ANKRD44: variants seen among roughly 807,000 people sequenced by gnomAD.
ANKRD44 encodes the protein serine/threonine-protein phosphatase 6 regulatory ankyrin repeat subunit B.
Under a neutral mutation model 116.0 loss-of-function variants are expected in ANKRD44, and 35 were observed. The ratio of observed to expected loss-of-function variants is 0.30; its 90% CI spans 0.23 to 0.40. The LOEUF (loss-of-function observed/expected upper bound fraction) is 0.40, where lower values mean the gene tolerates loss of function less well. Ranked by LOEUF, ANKRD44 falls within the 10% of genes least tolerant of loss-of-function variation. The pLI, the probability that ANKRD44 is intolerant of heterozygous loss-of-function variation, is 1.00. For synonymous variants in ANKRD44, 435 were observed against 461.8 expected (o/e 0.94, Z 0.74); for missense variants, 1,014 against 1,242.6 (o/e 0.82, Z 2.77).
At chr2:197,125,269 C>G (rs2125338382) in intron 6 of ANKRD44, 112 bp downstream of exon 6, 1 of 1,007,944 alleles carries the variant, frequency 9.9e-7, no homozygotes, top group South Asian at 1.4e-5. Context: ...TCAATTGCAA[C>G]CCAAGCTTGA....
rs1553550558 is a variant in ANKRD44, at chr2:197,288,031, A to AAAG, written c.27+22546_27+22547insCTT. 2.8e-4 allele frequency among the ~76,000 whole-genome samples: 42 copies of AAAG among 151,482 alleles called. 1 individual carries two copies. The highest frequency in any genetic ancestry group is 6.5e-4 in the African/African-American group (27 of 41,428). The stretch of plus-strand genomic sequence containing the variant: ...TGAGACTCAGTCTCAAAAAAAAAAA[A>AAAG]AAAAAGAAAAAGAAAGAAAAGAAAA... On this transcript the variant is annotated intron_variant, in intron 1 of 27. Coordinates refer to ENST00000282272, the MANE Select transcript of ANKRD44 (RefSeq NM_001195144.2).
At chr2:197,182,028 A>T (rs1289330953) in intron 2 of ANKRD44, among the ~76,000 whole-genome samples, 1 of 152,212 alleles carries the variant, frequency 6.6e-6, no homozygotes, top group Non-Finnish European at 1.5e-5. Flanking sequence ...CCAGTAGGAC[A>T]CAGTAAAAGT....
At chr2:197,271,661 G>A (rs1400429077) in intron 1 of ANKRD44, among the ~76,000 whole-genome samples, 1 of 152,078 alleles carries the variant, frequency 6.6e-6, no homozygotes, top group Non-Finnish European at 1.5e-5. Flanking sequence ...TTTGAGACAG[G>A]GTCTCGCTCT....
At chr2:197,303,711 T>G (rs1344304088) in intron 1 of ANKRD44, among the ~76,000 whole-genome samples, 1 of 152,160 alleles carries the variant, frequency 6.6e-6, no homozygotes, top group Non-Finnish European at 1.5e-5. Flanking sequence ...TGCAAACAAT[T>G]ATCGACTTAG....
At chr2:197,154,255 C>T (rs1407357672) in intron 2 of ANKRD44, among the ~76,000 whole-genome samples, 1 of 147,458 alleles carries the variant, frequency 6.8e-6, no homozygotes, top group Non-Finnish European at 1.5e-5. Context: ...TCTCGGCTCA[C>T]TGCAAGCTCC....
chr2:197,103,193 G>A lies in ANKRD44; in HGVS notation c.986-3263C>T, dbSNP rs188544481. ...CAGTGAGCCAAGATTACGCCACTGC[G>A]CTCCAGCCTGGGCGACAGAGTGAGA... On this transcript the variant is annotated intron_variant, in intron 9 of 27. Coordinates refer to ENST00000282272, the MANE Select transcript of ANKRD44 (RefSeq NM_001195144.2). Among the ~76,000 whole-genome samples the A allele has an allele frequency of 1.0e-3, 147 of 145,000 alleles. No individual in the cohort carries two copies. In the East Asian group the frequency reaches 0.011, roughly 11 times the overall value.
At chr2:197,246,896 A>G (rs1311253476) in intron 1 of ANKRD44, among the ~76,000 whole-genome samples, 1 of 152,146 alleles carries the variant, frequency 6.6e-6, no homozygotes, top group African/African-American at 2.4e-5. Flanking sequence ...CAGAATTGGA[A>G]CCCAGGTGAC....
At chr2:197,108,766 A>G (rs545550516) in intron 9 of ANKRD44, among the ~76,000 whole-genome samples, 15 of 152,276 alleles carry the variant, frequency 9.9e-5, no homozygotes, top group African/African-American at 3.1e-4. Context: ...TGAACCCGAG[A>G]GGCAGATGTT....
At chr2:197,246,500 C>A (rs2082196220) in intron 1 of ANKRD44, among the ~76,000 whole-genome samples, 1 of 151,474 alleles carries the variant, frequency 6.6e-6, no homozygotes, top group Non-Finnish European at 1.5e-5. Flanking sequence ...AGCCCCATAA[C>A]CCCTGGATTC....
At chr2:196,982,389 G>C (rs927721021), downstream of ANKRD44, among the ~76,000 whole-genome samples, 3 of 152,244 alleles carry the variant, frequency 2.0e-5, no homozygotes, top group Non-Finnish European at 2.9e-5. Flanking sequence ...TCGCCTTGAA[G>C]TCATAGCAGG....
intron 2 of ANKRD44, among the ~76,000 whole-genome samples, chr2:197,151,362 G>T (rs1164774368): frequency 6.6e-6 from 1 of 152,214 alleles, no homozygotes; most frequent in African/African-American, 2.4e-5. Flanking sequence ...ACAGAAGAAT[G>T]AGATGGAGAA....
intron 1 of ANKRD44, chr2:197,263,453 A>G: frequency 1.9e-6 from 1 of 532,078 alleles, no homozygotes; most frequent in South Asian, 2.0e-5. Context: ...CTCTTCTCCT[A>G]CACCATTCTA....
intron 1 of ANKRD44, among the ~76,000 whole-genome samples, chr2:197,279,527 C>A (rs2105821397): frequency 6.6e-6 from 1 of 152,272 alleles, no homozygotes; most frequent in East Asian, 1.9e-4. Context: ...TCTCTCCCAT[C>A]CAATCTCCCA....
intron 6 of ANKRD44, among the ~76,000 whole-genome samples, chr2:197,123,448 T>C (rs921522692): frequency 6.6e-6 from 1 of 152,164 alleles, no homozygotes; most frequent in Non-Finnish European, 1.5e-5. Context: ...CTGTACAACA[T>C]GGTGAAACCC....
Position 197,240,066 on chromosome 2 carries a change from T to A in ANKRD44, c.28-52960A>T, listed in dbSNP as rs562615144. On this transcript the variant is annotated intron_variant, in intron 1 of 27. Transcript: ENST00000282272. ...TAATGTTTATAGAAGAAAATCTAGATATAAATATATATATATTCAAGAGGT... is the reference window on the plus strand; with the variant it reads ...TAATGTTTATAGAAGAAAATCTAGAAATAAATATATATATATTCAAGAGGT... Among the ~76,000 whole-genome samples the A allele has an allele frequency of 2.6e-5, 4 of 152,202 alleles. No individual in the cohort carries two copies. In the South Asian group the frequency reaches 8.3e-4, roughly 32 times the overall value.
At position 196,986,863 on chromosome 2, in the gene ANKRD44, C is replaced by G. The variant is rs370640410; in HGVS notation, c.*2728G>C. ...ATTTTCCCCATTTTTACAGTCATGA[C>G]ATTTACCAGAGTCATTCAACTCCAA... On this transcript the variant is annotated 3_prime_UTR_variant, in exon 28 of 28. Transcript: ENST00000282272. 2 of 985,286 alleles carry G rather than the reference C, an allele frequency of 2.0e-6. No homozygotes were observed. Among genetic ancestry groups the G allele is most frequent in the Non-Finnish European group, 2.4e-6 (2 of 829,926 alleles). 61.0% of individuals were successfully genotyped at this position (985,286 alleles called of 1,614,324 possible).
intron 1 of ANKRD44, among the ~76,000 whole-genome samples, chr2:197,303,396 T>C (rs2083972168): frequency 6.6e-6 from 1 of 152,240 alleles, no homozygotes; most frequent in African/African-American, 2.4e-5. Flanking sequence ...AGAAGAACCA[T>C]GAGTAGAATC....
intron 1 of ANKRD44, among the ~76,000 whole-genome samples, chr2:197,305,584 GA>G (rs1374613873): frequency 6.6e-6 from 1 of 151,698 alleles, no homozygotes; most frequent in Non-Finnish European, 1.5e-5. Context: ...AGCAAAAGAG[GA>G]AGTAAAAAGT....
intron 20 of ANKRD44, 31 bp downstream of exon 20, chr2:197,007,775 G>A (rs750007505): frequency 1.4e-6 from 2 of 1,396,560 alleles, no homozygotes; most frequent in Non-Finnish European, 2.0e-6. Context: ...TAAAAAAATT[G>A]CTTGACTAGA....
Sources: gnomAD v4.1 joint callset for allele counts (sites outside exome capture counted in the v4.1 genomes callset) on GRCh38, gnomAD v4.1.1 for gene constraint, MANE v1.5 for transcripts, NCBI Gene and HGNC (gene_info 2026-07-23, HGNC 2026-07-21) for gene names.